The following HMOX2 variants were observed in gnomAD, a reference collection of about 807,000 sequenced individuals.
HMOX2 encodes the protein heme oxygenase 2.
HMOX2 carries 30 observed loss-of-function variants against 33.7 expected under a neutral mutation model. That is an observed-to-expected ratio of 0.89 (90% CI 0.67 to 1.21). The LOEUF (loss-of-function observed/expected upper bound fraction) is 1.21. Among genes scored for constraint, HMOX2 ranks in the 50% most tolerant of loss-of-function variants. The pLI is 0.00. For synonymous variants in HMOX2, 155 were observed against 155.0 expected (o/e 1.00, Z 0.00); for missense variants, 403 against 399.1 (o/e 1.01, Z -0.08).
intron 1 of HMOX2, among the ~76,000 whole-genome samples, chr16:4,477,210 C>A (rs1160442308): frequency 1.3e-5 from 2 of 152,022 alleles, no homozygotes; most frequent in Non-Finnish European, 2.9e-5. Context: ...CCATTTAAAT[C>A]GCGTCTGGGC....
At chr16:4,474,803 G>C (rs2057769098), upstream of HMOX2, 1 of 152,298 alleles carries the variant, frequency 6.6e-6, no homozygotes, top group African/African-American at 2.4e-5. Flanking sequence ...CTGGGAGGAG[G>C]AGAAAAATTA....
chr16:4,499,952 A>G (rs2058516859), intron 1 of HMOX2, among the ~76,000 whole-genome samples: 1 of 152,232 alleles, frequency 6.6e-6, no homozygotes, highest in Non-Finnish European at 1.5e-5. Context: ...ACACAGGCAC[A>G]GGCACACAAA....
At chr16:4,497,632 G>C (rs947469011) in intron 1 of HMOX2, among the ~76,000 whole-genome samples, 4 of 152,136 alleles carry the variant, frequency 2.6e-5, no homozygotes, top group African/African-American at 9.7e-5. Context: ...TTCTGTCCTT[G>C]GTGTCTGTCT....
intron 1 of HMOX2, among the ~76,000 whole-genome samples, chr16:4,503,241 C>G (rs1239165343): frequency 6.6e-6 from 1 of 152,186 alleles, no homozygotes; most frequent in Non-Finnish European, 1.5e-5. Context: ...GGACGCACAG[C>G]TGGGCAGCCT....
At chr16:4,475,499 A>T (rs1289571287), upstream of HMOX2, among the ~76,000 whole-genome samples, 1 of 151,230 alleles carries the variant, frequency 6.6e-6, no homozygotes, top group Non-Finnish European at 1.5e-5. Flanking sequence ...TTTGGTAGAG[A>T]CGGGGTTTCA....
chr16:4,481,004 C>T (rs2058012570), intron 1 of HMOX2, among the ~76,000 whole-genome samples: 1 of 151,014 alleles, frequency 6.6e-6, no homozygotes, highest in Non-Finnish European at 1.5e-5. Flanking sequence ...AGATAGAGGG[C>T]CTACTATTAA....
At chr16:4,488,234 G>A (rs890782437) in intron 1 of HMOX2, among the ~76,000 whole-genome samples, 5 of 151,678 alleles carry the variant, frequency 3.3e-5, no homozygotes, top group Non-Finnish European at 5.9e-5. Context: ...TTTTTCTAAA[G>A]CTATTCATTC....
chr16:4,500,960 T>A (rs2058543496), intron 1 of HMOX2, among the ~76,000 whole-genome samples: 1 of 152,120 alleles, frequency 6.6e-6, no homozygotes, highest in South Asian at 2.1e-4. Flanking sequence ...GGAGGTAGAT[T>A]TTATAAACAG....
chr16:4,489,001 G>GT (rs745362500), intron 1 of HMOX2, among the ~76,000 whole-genome samples: 2 of 151,460 alleles, frequency 1.3e-5, no homozygotes, highest in Non-Finnish European at 2.9e-5. Flanking sequence ...AATTTTTGTA[G>GT]TTTTTTTGTA....
intron 1 of HMOX2, among the ~76,000 whole-genome samples, chr16:4,499,530 G>C (rs1328216734): frequency 6.6e-6 from 1 of 152,166 alleles, no homozygotes; most frequent in African/African-American, 2.4e-5. Context: ...GTGGAAAGGG[G>C]AGATGTTGAT....
At chr16:4,494,826 C>A (rs2141570130) in intron 1 of HMOX2, among the ~76,000 whole-genome samples, 1 of 151,946 alleles carries the variant, frequency 6.6e-6, no homozygotes, top group Admixed American at 6.6e-5. Context: ...CTGCAGTGAG[C>A]TATGATCACA....
intron 1 of HMOX2, among the ~76,000 whole-genome samples, chr16:4,482,367 C>A (rs1357625002): frequency 1.3e-5 from 2 of 152,200 alleles, no homozygotes; most frequent in East Asian, 1.9e-4. Context: ...AGTCTTTTTT[C>A]TACTCTGTTC....
chr16:4,496,875 T>G (rs2058434707), intron 1 of HMOX2: 1 of 151,794 alleles, frequency 6.6e-6, no homozygotes, highest in Non-Finnish European at 1.5e-5. Context: ...TTTTTTTTTT[T>G]GTAGAGACGG....
rs907262347 is a variant in HMOX2, at chr16:4,496,806, TGAG to T, written c.-41-8676_-41-8674del. ...AGTCTGGTGCTCTCTTGGGTGAACT[TGAG>T]GGCCTTCTGCCAAGGCAGGAATGGC... On this transcript the variant is annotated intron_variant, in intron 1 of 5. Transcript: ENST00000570646. 1.2e-3 allele frequency: 190 copies of T among 152,322 alleles called. 1 individual carries two copies. Among genetic ancestry groups the T allele is most frequent in the African/African-American group, 4.4e-3 (184 of 41,578 alleles). The allele number at this position is 152,322 out of a possible 1,614,324, so 9.4% of individuals were successfully genotyped here.
At chr16:4,501,642 A>G (rs543122979) in intron 1 of HMOX2, among the ~76,000 whole-genome samples, 50 of 152,326 alleles carry the variant, frequency 3.3e-4, no homozygotes, top group African/African-American at 1.1e-3. Context: ...AAAAGGTTCT[A>G]TATTTATGAT....
chr16:4,495,228 G>C (rs1424682105), intron 1 of HMOX2, among the ~76,000 whole-genome samples: 1 of 152,078 alleles, frequency 6.6e-6, no homozygotes, highest in Non-Finnish European at 1.5e-5. Flanking sequence ...GGTGCCTTGT[G>C]CATTAAGATA....
rs17881977 is a variant in HMOX2, at chr16:4,494,658, C to T, written c.-41-10826C>T. On this transcript the variant is annotated intron_variant, in intron 1 of 5. Coordinates refer to ENST00000570646, the MANE Select transcript of HMOX2 (RefSeq NM_002134.4). The stretch of plus-strand genomic sequence containing the variant: ...TTTTGGGAGGCTGAGGCAGGCAGAT[C>T]GCTTGAGTCCAGGAGTTTGAGACCA... Among the ~76,000 whole-genome samples the T allele has an allele frequency of 6.9e-3, 1,049 of 151,524 alleles. 16 individuals carry two copies. Among genetic ancestry groups the T allele is most frequent in the African/African-American group, 0.025 (1,010 of 40,908 alleles).
At chr16:4,486,272 A>G (rs1025067915) in intron 1 of HMOX2, among the ~76,000 whole-genome samples, 2 of 152,208 alleles carry the variant, frequency 1.3e-5, no homozygotes, top group East Asian at 1.9e-4. Flanking sequence ...ACAGCCTTTT[A>G]CCAAACACCA....
At chr16:4,485,619 T>C (rs751025092) in intron 1 of HMOX2, among the ~76,000 whole-genome samples, 3 of 152,182 alleles carry the variant, frequency 2.0e-5, no homozygotes, top group Non-Finnish European at 2.9e-5. Context: ...AAACCCTTCT[T>C]AGAGCACTCA....
Sources: gnomAD v4.1 joint callset for allele counts (sites outside exome capture counted in the v4.1 genomes callset) on GRCh38, gnomAD v4.1.1 for gene constraint, MANE v1.5 for transcripts, NCBI Gene and HGNC (gene_info 2026-07-23, HGNC 2026-07-21) for gene names.